Variants in NBPF3 observed in about 807,000 individuals in gnomAD.
NBPF3 encodes the protein NBPF family member NBPF3.
A neutral mutation model predicts 78.1 loss-of-function variants in NBPF3; 57 were observed. The observed-to-expected ratio is 0.73, with a 90% confidence interval of 0.59 to 0.91. NBPF3 has a LOEUF of 0.91. Ranked by LOEUF, NBPF3 falls within the 40% of genes least tolerant of loss-of-function variation. The pLI, the probability that NBPF3 is intolerant of heterozygous loss-of-function variation, is 0.00. For synonymous variants in NBPF3, 182 were observed against 271.7 expected, an observed-to-expected ratio of 0.67 and a Z score of 3.25; for missense variants, 510 against 715.3, an observed-to-expected ratio of 0.71 and a Z score of 3.27.
At chr1:21,459,838 C>G (rs2147947290) in intron 2 of NBPF3, 2 of 270,822 alleles carry the variant, frequency 7.4e-6, no homozygotes, top group South Asian at 9.5e-5. Context: ...ACGGTCAGTT[C>G]CCCATCCTGC....
chr1:21,447,110 T>A (rs1388767326), intron 2 of NBPF3, among the ~76,000 whole-genome samples: 1 of 152,184 alleles, frequency 6.6e-6, no homozygotes, highest in Non-Finnish European at 1.5e-5. Flanking sequence ...TAATAGAATT[T>A]TTTTTAGAAC....
chr1:21,457,097 A>G (rs1056096849), intron 2 of NBPF3, among the ~76,000 whole-genome samples: 6 of 152,088 alleles, frequency 3.9e-5, no homozygotes, highest in African/African-American at 1.4e-4. Context: ...TAAAAATACA[A>G]TTTCATTTCA....
intron 2 of NBPF3, among the ~76,000 whole-genome samples, chr1:21,458,781 G>A (rs1030030204): frequency 5.9e-5 from 9 of 152,198 alleles, no homozygotes; most frequent in African/African-American, 1.7e-4. Context: ...CTGCAAAGGG[G>A]TACAAGAAAC....
chr1:21,451,270 A>G (rs1641295036), intron 2 of NBPF3, among the ~76,000 whole-genome samples: 1 of 152,244 alleles, frequency 6.6e-6, no homozygotes. Context: ...ATTATGAATA[A>G]AACTGCTATG....
intron 2 of NBPF3, chr1:21,468,345 G>A (rs1051474576): frequency 1.3e-5 from 16 of 1,191,816 alleles, no homozygotes; most frequent in Non-Finnish European, 1.6e-5. Flanking sequence ...GTGAGACGAG[G>A]GTGCCTGTGT....
At chr1:21,443,740 A>T (rs1640801630) in intron 1 of NBPF3, among the ~76,000 whole-genome samples, 1 of 151,746 alleles carries the variant, frequency 6.6e-6, no homozygotes, top group Admixed American at 6.6e-5. Context: ...CAGCCTCCTT[A>T]GTAGCTGGGT....
chr1:21,475,599 T>C (rs1642848292), intron 8 of NBPF3, among the ~76,000 whole-genome samples: 1 of 152,232 alleles, frequency 6.6e-6, no homozygotes, highest in Non-Finnish European at 1.5e-5. Context: ...TGAGCTCTAA[T>C]TTGATAGCAC....
intron 2 of NBPF3, among the ~76,000 whole-genome samples, chr1:21,462,074 G>C (rs1225022690): frequency 6.6e-6 from 1 of 151,878 alleles, no homozygotes; most frequent in Non-Finnish European, 1.5e-5. Flanking sequence ...TGCACACCCT[G>C]GTTCCTTTTC....
At chr1:21,468,285 C>A in intron 2 of NBPF3, 1 of 599,358 alleles carries the variant, frequency 1.7e-6, no homozygotes, top group Non-Finnish European at 2.3e-6. Flanking sequence ...GGTACACGAA[C>A]ACTGAGAGTG....
chr1:21,470,389 TGTG>T (rs1642520251), intron 3 of NBPF3, among the ~76,000 whole-genome samples: 1 of 152,214 alleles, frequency 6.6e-6, no homozygotes, highest in African/African-American at 2.4e-5. Flanking sequence ...TCCACTTCAT[TGTG>T]GTTGAATCAT....
chr1:21,471,418 C>T, intron 4 of NBPF3, 151 bp from the exon 5 acceptor site: 2 of 1,316,512 alleles, frequency 1.5e-6, no homozygotes, highest in Admixed American at 4.5e-5. Context: ...TTTATTCTTT[C>T]TCTTGGGCAC....
chr1:21,470,818 T>C (rs1258506870), intron 4 of NBPF3, 84 bp downstream of exon 4: 1 of 857,548 alleles, frequency 1.2e-6, no homozygotes, highest in Non-Finnish European at 1.9e-6. Context: ...AACTAAGAGC[T>C]GAACTGGGCC....
upstream of NBPF3, chr1:21,437,426 G>T (rs1203478955): frequency 1.6e-6 from 2 of 1,275,504 alleles, no homozygotes; most frequent in South Asian, 1.3e-5. Flanking sequence ...AGGCCTAGAG[G>T]AACAGATGTA....
chr1:21,452,103 T>C lies in NBPF3; in HGVS notation c.133+6884T>C, dbSNP rs146536549. 1.7e-3 allele frequency among the ~76,000 whole-genome samples: 258 copies of C among 152,354 alleles called. 1 individual carries two copies. Among genetic ancestry groups the C allele is most frequent in the Non-Finnish European group, 2.6e-3 (174 of 68,036 alleles). On this transcript the variant is annotated intron_variant, in intron 2 of 14. Coordinates refer to ENST00000318249, the MANE Select transcript of NBPF3 (RefSeq NM_032264.6). ...TCTTTAGATAAGAATTTAATGGGCA[T>C]TCTTTATTGCATTAGGCTTAAATTT...
intron 1 of NBPF3, among the ~76,000 whole-genome samples, chr1:21,444,079 T>C (rs942901656): frequency 6.6e-6 from 1 of 152,254 alleles, no homozygotes; most frequent in Non-Finnish European, 1.5e-5. Flanking sequence ...TTGTCTCTTT[T>C]ATTCACCACT....
chr1:21,471,454 CCTT>C, intron 4 of NBPF3, 112 bp from the exon 5 acceptor site: 1 of 1,517,488 alleles, frequency 6.6e-7, no homozygotes, highest in South Asian at 1.2e-5. Context: ...CATGTGCTGA[CCTT>C]CTGCTTGGAG....
chr1:21,471,838 A>C, intron 5 of NBPF3, 55 bp downstream of exon 5: 1 of 1,590,140 alleles, frequency 6.3e-7, no homozygotes, highest in Admixed American at 1.7e-5. Context: ...GAGAGACTTC[A>C]GACCTCCATA....
chr1:21,445,004 T>C lies in NBPF3; in HGVS notation c.-83T>C. 6.8e-7 allele frequency: 1 copy of C among 1,473,790 alleles called. No individual in the cohort carries two copies. Among genetic ancestry groups the C allele is most frequent in the Non-Finnish European group, 9.1e-7 (1 of 1,093,364 alleles). 91.3% of individuals were successfully genotyped at this position (1,473,790 alleles called of 1,614,324 possible). ...GGCGAAGGTTCCTGGTGACCCAGGC[T>C]CTCACCAGCCAATTGTCCCTTGCCG... On this transcript the variant is annotated 5_prime_UTR_variant, in exon 2 of 15. Transcript: ENST00000318249.
intron 2 of NBPF3, among the ~76,000 whole-genome samples, chr1:21,459,487 G>GTC (rs1641823892): frequency 1.3e-5 from 2 of 152,130 alleles, no homozygotes; most frequent in African/African-American, 4.8e-5. Flanking sequence ...CACACAGGAG[G>GTC]GCTATGGGTA....
Sources: gnomAD v4.1 joint callset for allele counts (sites outside exome capture counted in the v4.1 genomes callset) on GRCh38, gnomAD v4.1.1 for gene constraint, MANE v1.5 for transcripts, NCBI Gene and HGNC (gene_info 2026-07-23, HGNC 2026-07-21) for gene names.